EIF5B: variants seen among roughly 807,000 people sequenced by gnomAD.
EIF5B encodes the protein eukaryotic translation initiation factor 5B, also known as eIF-5B.
A neutral mutation model predicts 147.5 loss-of-function variants in EIF5B; 47 were observed. The observed-to-expected ratio is 0.32, with a 90% CI of 0.25 to 0.41. EIF5B has a LOEUF of 0.41. EIF5B is among the 10% of genes least tolerant of loss of function. The pLI is 1.00. For synonymous variants in EIF5B, 455 were observed against 456.2 expected, an observed-to-expected ratio of 1.00 and a Z score of 0.03; for missense variants, 1,064 against 1,413.2, an observed-to-expected ratio of 0.75 and a Z score of 3.96.
rs1180831350 is a variant in EIF5B, at chr2:99,364,260, CTCTTTT to C, written c.1138-10_1138-5del. The C allele has an allele frequency of 7.0e-6, 11 of 1,571,052 alleles. No individual in the cohort carries two copies. Among genetic ancestry groups the C allele is most frequent in the Non-Finnish European group, 7.7e-6 (9 of 1,165,010 alleles). On this transcript the variant is annotated splice_polypyrimidine_tract_variant and splice_region_variant and intron_variant, in intron 5 of 23. Transcript: ENST00000289371. ...GAATACAGGTTTTGTCTGACATGTACTCTTTTATAGGAACGATTGGAACAAGAAAAA... is the reference window on the plus strand; with the variant it reads ...GAATACAGGTTTTGTCTGACATGTACATAGGAACGATTGGAACAAGAAAAA...
rs1200032131 is a variant in EIF5B, at chr2:99,364,393, A to G, written c.1260A>G (p.Glu420=). The G allele has an allele frequency of 3.1e-6, 5 of 1,607,198 alleles. No individual in the cohort carries two copies. The highest frequency in any genetic ancestry group is 1.3e-5 in the African/African-American group (1 of 74,208). Residue 420 remains glutamate (E), a synonymous_variant, in exon 6 of 24, where the codon GAA becomes GAG. Coordinates refer to ENST00000289371, the MANE Select transcript of EIF5B (RefSeq NM_015904.4). ...AGAGAGAAGCCAGAGCCAGAGCCGA[A>G]GCTACTCTTAAACTGCTACAAGCTC... ...KSQREARARA[E]ATLKLLQAQG...
chr2:99,382,325 C>G, intron 13 of EIF5B, 99 bp downstream of exon 13: 1 of 928,438 alleles, frequency 1.1e-6, no homozygotes, highest in Non-Finnish European at 1.7e-6. Context: ...GTAATTTGAT[C>G]TCTATAACTA....
intron 4 of EIF5B, among the ~76,000 whole-genome samples, chr2:99,362,686 G>C (rs1399018062): frequency 6.6e-6 from 1 of 152,130 alleles, no homozygotes; most frequent in South Asian, 2.1e-4. Context: ...GCAACAGACT[G>C]AGACTCTGTC....
chr2:99,367,019 C>G (rs1177789734), intron 6 of EIF5B, among the ~76,000 whole-genome samples: 1 of 152,100 alleles, frequency 6.6e-6, no homozygotes, highest in African/African-American at 2.4e-5. Context: ...TTTTAATTCC[C>G]ACTGTATAAA....
At chr2:99,394,672 T>TA (rs765695461) in intron 20 of EIF5B, 47 bp from the exon 21 acceptor site, 19 of 1,609,880 alleles carry the variant, frequency 1.2e-5, no homozygotes, top group Non-Finnish European at 1.4e-5. Context: ...CTCTGTGACA[T>TA]ACTCTGTTTT....
At chr2:99,388,712 T>C (rs1254191341) in intron 14 of EIF5B, among the ~76,000 whole-genome samples, 2 of 152,330 alleles carry the variant, frequency 1.3e-5, no homozygotes, top group Middle Eastern at 3.4e-3. Context: ...TTGCTAGATT[T>C]GATTTGTAAT....
intron 5 of EIF5B, 72 bp downstream of exon 5, chr2:99,363,934 A>G: frequency 6.8e-7 from 1 of 1,460,132 alleles, no homozygotes; most frequent in Non-Finnish European, 9.3e-7. Flanking sequence ...AAATATCTTT[A>G]CTCTTCTAAT....
At chr2:99,388,343 G>A (rs1014441652) in intron 14 of EIF5B, among the ~76,000 whole-genome samples, 1 of 152,072 alleles carries the variant, frequency 6.6e-6, no homozygotes, top group South Asian at 2.1e-4. Context: ...AATGACAGTA[G>A]ACATCATCCT....
At position 99,374,777 on chromosome 2, in the gene EIF5B, A is replaced by G. The variant is rs564965006; in HGVS notation, c.1553-1570A>G. ...TATATTCTACTTGTAGAGCTTTATT[A>G]ATATATGGTTTTATGTTTTTATCAG... is the stretch of plus-strand genomic sequence containing the variant. On this transcript the variant is annotated intron_variant, in intron 9 of 23. Transcript: ENST00000289371. 5.4e-4 allele frequency among the ~76,000 whole-genome samples: 82 copies of G among 152,274 alleles called. 1 individual carries two copies. In the South Asian group the frequency reaches 0.017, roughly 32 times the overall value.
At chr2:99,356,347 A>G (rs191302869) in intron 1 of EIF5B, among the ~76,000 whole-genome samples, 2 of 152,138 alleles carry the variant, frequency 1.3e-5, no homozygotes, top group African/African-American at 4.8e-5. Flanking sequence ...CTCATAGTTT[A>G]GGAGTGGAAA....
chr2:99,375,942 TA>T (rs1028553958), intron 9 of EIF5B, among the ~76,000 whole-genome samples: 1 of 151,872 alleles, frequency 6.6e-6, no homozygotes, highest in South Asian at 2.1e-4. Context: ...TATTCCAAAT[TA>T]AAAAAAATAT....
intron 1 of EIF5B, chr2:99,338,172 T>A: frequency 2.6e-6 from 1 of 379,676 alleles, no homozygotes; most frequent in Non-Finnish European, 4.4e-6. Flanking sequence ...TCTTCCGGCC[T>A]GTTTTTTTTT....
rs1675057225 is a variant in EIF5B, at chr2:99,396,745, CT to C, written c.3255-9del. On this transcript the variant is annotated splice_polypyrimidine_tract_variant and intron_variant, in intron 21 of 23. Transcript: ENST00000289371. ...GATTCTGTAAGCTTAAAATTCTTTT[CT>C]TTTTTCCTTTCAGGCACATAGCAGT... The C allele has an allele frequency of 2.5e-6, 4 of 1,579,256 alleles. No individual in the cohort carries two copies. The highest frequency in any genetic ancestry group is 2.6e-6 in the Non-Finnish European group (3 of 1,169,744).
intron 14 of EIF5B, among the ~76,000 whole-genome samples, chr2:99,386,888 T>A (rs1461214940): frequency 2.0e-5 from 3 of 152,052 alleles, no homozygotes. Context: ...AATTTCTGAT[T>A]TTGGTGAAAT....
chr2:99,362,314 A>C (rs1295515435), intron 4 of EIF5B, among the ~76,000 whole-genome samples: 1 of 152,194 alleles, frequency 6.6e-6, no homozygotes, highest in Non-Finnish European at 1.5e-5. Flanking sequence ...TTAACAACCA[A>C]TTATAAAATA....
intron 3 of EIF5B, 29 bp downstream of exon 3, chr2:99,360,578 G>A (rs759128069): frequency 4.4e-6 from 7 of 1,595,272 alleles, no homozygotes; most frequent in East Asian, 2.2e-5. Flanking sequence ...TTACCTATTC[G>A]TATTTCGTAT....
chr2:99,368,110 C>T (rs1317359661), intron 6 of EIF5B, among the ~76,000 whole-genome samples: 1 of 152,112 alleles, frequency 6.6e-6, no homozygotes, highest in Non-Finnish European at 1.5e-5. Context: ...AGAGGCCAGA[C>T]CGTAAGATTC....
intron 7 of EIF5B, 72 bp downstream of exon 7, chr2:99,368,663 G>T: frequency 8.2e-7 from 1 of 1,212,818 alleles, no homozygotes; most frequent in Non-Finnish European, 1.2e-6. Context: ...TCAAAACAGT[G>T]TCTGTAAAGA....
intron 1 of EIF5B, among the ~76,000 whole-genome samples, chr2:99,343,432 TTTG>T (rs1402171874): frequency 6.6e-6 from 1 of 152,126 alleles, no homozygotes; most frequent in African/African-American, 2.4e-5. Flanking sequence ...CCAGTTTATT[TTTG>T]TTGTTGTTGC....
Sources: gnomAD v4.1 joint callset for allele counts (sites outside exome capture counted in the v4.1 genomes callset) on GRCh38, gnomAD v4.1.1 for gene constraint, MANE v1.5 for transcripts, NCBI Gene and HGNC (gene_info 2026-07-23, HGNC 2026-07-21) for gene names.